Variants in CACNA1B observed in about 807,000 individuals in gnomAD.
The protein encoded by CACNA1B is voltage-dependent N-type calcium channel subunit alpha-1B.
In CACNA1B, 70 loss-of-function variants were observed where a neutral mutation model predicts 247.2. The ratio of observed to expected loss-of-function variants is 0.28; its 90% CI spans 0.23 to 0.35. CACNA1B has a LOEUF of 0.35. CACNA1B is among the 10% of genes least tolerant of loss of function. The pLI is 1.00. For missense variants in CACNA1B, 2,367 were observed against 3,197.4 expected (o/e 0.74, Z 6.26); for synonymous variants, 1,231 against 1,294.4 (o/e 0.95, Z 1.05).
At chr9:137,922,281 C>A (rs562017780) in intron 6 of CACNA1B, among the ~76,000 whole-genome samples, 1 of 148,110 alleles carries the variant, frequency 6.8e-6, no homozygotes, top group Non-Finnish European at 1.5e-5. Flanking sequence ...AGCACCACGA[C>A]CGCACAGCAT....
rs1038944691 is a variant in CACNA1B, at chr9:137,986,260, G to T, written c.1770-153G>T. Among the ~76,000 whole-genome samples the T allele has an allele frequency of 2.0e-5, 3 of 152,158 alleles. No homozygotes were observed. Among genetic ancestry groups the T allele is most frequent in the Admixed American group, 2.0e-4 (3 of 15,286 alleles). On this transcript the variant is annotated intron_variant, in intron 13 of 46. Coordinates refer to ENST00000371372, the MANE Select transcript of CACNA1B (RefSeq NM_000718.4). The surrounding 1 kb of genome is among the most constrained non-coding windows in gnomAD (Gnocchi z 6.0). ...CAGGGAGAGAAGTCCAGGGTAGTGG[G>T]CCTGAAACTCCAGAGAAAAGCTCTA...
intron 10 of CACNA1B, among the ~76,000 whole-genome samples, chr9:137,961,842 C>CT (rs926625168): frequency 2.6e-5 from 4 of 152,014 alleles, no homozygotes; most frequent in African/African-American, 7.2e-5. Context: ...CTGAAGTTTT[C>CT]TTTTTTTGTT....
Position 138,123,026 on chromosome 9 carries a change from G to C in CACNA1B, c.*1027G>C, listed in dbSNP as rs201937840. On this transcript the variant is annotated 3_prime_UTR_variant, in exon 47 of 47. Coordinates refer to ENST00000371372, the MANE Select transcript of CACNA1B (RefSeq NM_000718.4). ...CCCACGAGTGGAAGGGGTTTCCAAG[G>C]AAGCCACAGGGCAGCTGACCACGTG... 6.6e-6 allele frequency: 1 copy of C among 152,298 alleles called. No homozygotes were observed. Among genetic ancestry groups the C allele is most frequent in the Non-Finnish European group, 1.5e-5 (1 of 68,068 alleles). The allele number at this position is 152,298 out of a possible 1,614,324, so 9.4% of individuals were successfully genotyped here.
chr9:137,937,473 C>T (rs150074149), intron 6 of CACNA1B, among the ~76,000 whole-genome samples: 501 of 152,166 alleles, frequency 3.3e-3, no homozygotes, highest in Non-Finnish European at 5.6e-3. Context: ...AATTGGCGTT[C>T]CTGAGGAAGA....
In CACNA1B at chr9:138,112,520, G is replaced by A; in HGVS notation, c.5536+15G>A. On this transcript the variant is annotated intron_variant, in intron 40 of 46. Coordinates refer to ENST00000371372, the MANE Select transcript of CACNA1B (RefSeq NM_000718.4). The stretch of plus-strand genomic sequence containing the variant: ...ACCCCATAAGCGTAAGTGTGAGGGT[G>A]AGAAATGCCCCCAGCCCCCACCTTT... 6.6e-7 allele frequency: 1 copy of A among 1,507,138 alleles called. No homozygotes were observed. Among genetic ancestry groups the A allele is most frequent in the Non-Finnish European group, 9.2e-7 (1 of 1,082,250 alleles). 93.4% of individuals were successfully genotyped at this position (1,507,138 alleles called of 1,614,324 possible).
intron 19 of CACNA1B, among the ~76,000 whole-genome samples, chr9:138,024,384 A>G (rs1308254494): frequency 6.6e-6 from 1 of 152,182 alleles, no homozygotes; most frequent in Non-Finnish European, 1.5e-5. Context: ...CCAGGTACCC[A>G]CTGGCCACAA....
At chr9:138,092,436 G>T (rs778319798) in intron 36 of CACNA1B, among the ~76,000 whole-genome samples, 1 of 152,230 alleles carries the variant, frequency 6.6e-6, no homozygotes, top group Non-Finnish European at 1.5e-5. Flanking sequence ...GAGAAATATG[G>T]CTCTGTTCTG....
At chr9:137,909,629 C>T (rs1222246237) in intron 3 of CACNA1B, among the ~76,000 whole-genome samples, 2 of 152,210 alleles carry the variant, frequency 1.3e-5, no homozygotes, top group African/African-American at 4.8e-5. Flanking sequence ...TGTTCCTCCC[C>T]TCTTCCGGTT....
chr9:138,009,921 C>G (rs1365726748), intron 16 of CACNA1B, 89 bp from the exon 17 acceptor site: 2 of 1,021,188 alleles, frequency 2.0e-6, no homozygotes, highest in Middle Eastern at 2.4e-4. Context: ...AGGCTGGAGG[C>G]TGGTTGGGAT....
At chr9:138,109,441 T>C (rs1961547931) in intron 39 of CACNA1B, among the ~76,000 whole-genome samples, 1 of 152,248 alleles carries the variant, frequency 6.6e-6, no homozygotes, top group African/African-American at 2.4e-5. Flanking sequence ...CTCTTAGGCC[T>C]CTTCTCTTGG....
intron 6 of CACNA1B, among the ~76,000 whole-genome samples, chr9:137,930,242 T>G (rs1343218565): frequency 3.3e-5 from 5 of 152,246 alleles, no homozygotes; most frequent in Non-Finnish European, 7.3e-5. Flanking sequence ...GTCTATATGT[T>G]TTCCTCTGGC....
chr9:137,898,961 G>A (rs1425486076), intron 3 of CACNA1B, among the ~76,000 whole-genome samples: 1 of 151,882 alleles, frequency 6.6e-6, no homozygotes, highest in Non-Finnish European at 1.5e-5. Context: ...TTGTTGAGAT[G>A]GAGTCTAACT....
chr9:137,949,657 G>A (rs1957856232), intron 6 of CACNA1B, among the ~76,000 whole-genome samples: 1 of 152,092 alleles, frequency 6.6e-6, no homozygotes, highest in African/African-American at 2.4e-5. Context: ...ATGGAGAGCT[G>A]ATGATGCAGT....
At chr9:138,031,109 T>C (rs1186853436) in intron 20 of CACNA1B, among the ~76,000 whole-genome samples, 1 of 152,224 alleles carries the variant, frequency 6.6e-6, no homozygotes. Flanking sequence ...GCTCTTCTTT[T>C]CTAGTTTCTT....
In CACNA1B at chr9:138,120,626, G is replaced by C; in HGVS notation, c.6239-5G>C. ...CCGTGCTAACTTCTTCTCTTCCCTG[G>C]CCAGCACCAAGCAGTGCTGTGGGGC... On this transcript the variant is annotated splice_polypyrimidine_tract_variant and splice_region_variant and intron_variant, in intron 45 of 46. Coordinates refer to ENST00000371372, the MANE Select transcript of CACNA1B (RefSeq NM_000718.4). The C allele has an allele frequency of 6.7e-7, 1 of 1,492,052 alleles. No individual in the cohort carries two copies. The highest frequency in any genetic ancestry group is 8.9e-7 in the Non-Finnish European group (1 of 1,125,500). The allele number at this position is 1,492,052 out of a possible 1,614,324, so 92.4% of individuals were successfully genotyped here.
Position 138,102,911 on chromosome 9 carries a change from T to G in CACNA1B, c.5319+104T>G. On this transcript the variant is annotated intron_variant, in intron 38 of 46. Transcript: ENST00000371372. The surrounding 1 kb of genome is among the most constrained non-coding windows in gnomAD (Gnocchi z 5.4). ...CTCTCCCTTTCAGGGTGCCCGGCTG[T>G]CTGTCTGCCGCTCTGCTGTGCGCCC... 2 of 679,986 alleles carry G rather than the reference T, an allele frequency of 2.9e-6. No individual in the cohort carries two copies. Among genetic ancestry groups the G allele is most frequent in the Non-Finnish European group, 5.1e-6 (2 of 390,734 alleles). The allele number at this position is 679,986 out of a possible 1,614,324, so 42.1% of individuals were successfully genotyped here.
intron 41 of CACNA1B, among the ~76,000 whole-genome samples, chr9:138,114,768 TG>T (rs1316687650): frequency 2.6e-5 from 4 of 152,104 alleles, no homozygotes; most frequent in African/African-American, 7.2e-5. Flanking sequence ...GTGTCATGGT[TG>T]TTATGGGGTG....
At chr9:138,103,211 G>A (rs929769381) in intron 38 of CACNA1B, among the ~76,000 whole-genome samples, 1 of 152,186 alleles carries the variant, frequency 6.6e-6, no homozygotes. Flanking sequence ...CCCTGGTATG[G>A]ATGGAGCTGT....
chr9:137,992,967 A>T (rs1352860383), intron 15 of CACNA1B, among the ~76,000 whole-genome samples: 1 of 152,178 alleles, frequency 6.6e-6, no homozygotes, highest in East Asian at 1.9e-4. Context: ...ATGCAAATTT[A>T]AAAAAATCTT....
Sources: gnomAD v4.1 joint callset for allele counts (sites outside exome capture counted in the v4.1 genomes callset) on GRCh38, gnomAD v4.1.1 for gene constraint, Gnocchi (gnomAD v3.1) non-coding constraint, MANE v1.5 for transcripts, NCBI Gene and HGNC (gene_info 2026-07-23, HGNC 2026-07-21) for gene names.